The following MTUS2 variants were observed in gnomAD, a reference collection of about 807,000 sequenced individuals.
MTUS2 encodes the protein microtubule associated scaffold protein 2.
In MTUS2, 40 loss-of-function variants were observed where a neutral mutation model predicts 114.1. The ratio of observed to expected loss-of-function variants is 0.35; its 90% CI spans 0.27 to 0.46. The LOEUF is 0.46. Ranked by LOEUF, MTUS2 falls within the 20% of genes least tolerant of loss-of-function variation. The pLI is 1.00. For synonymous variants in MTUS2, 688 were observed against 672.0 expected, an observed-to-expected ratio of 1.02 and a Z score of -0.37; for missense variants, 1,679 against 1,705.4, an observed-to-expected ratio of 0.98 and a Z score of 0.27.
intron 5 of MTUS2, among the ~76,000 whole-genome samples, chr13:29,147,222 C>T (rs1892474258): frequency 6.6e-6 from 1 of 152,166 alleles, no homozygotes; most frequent in East Asian, 1.9e-4. Context: ...TTGTTGGAAC[C>T]TCCCAACACC....
At chr13:28,910,871 T>A (rs1346166087) in intron 2 of MTUS2, among the ~76,000 whole-genome samples, 1 of 105,112 alleles carries the variant, frequency 9.5e-6, no homozygotes, top group Non-Finnish European at 1.9e-5. Context: ...TTTTTTTTTT[T>A]TTTTTTTTTT....
At chr13:29,084,326 G>A (rs1008757053) in intron 4 of MTUS2, among the ~76,000 whole-genome samples, 3 of 151,238 alleles carry the variant, frequency 2.0e-5, no homozygotes, top group African/African-American at 4.9e-5. Flanking sequence ...ATATCTGGTT[G>A]CTTTCTCCAT....
At chr13:29,070,880 T>C (rs778132523) in intron 4 of MTUS2, among the ~76,000 whole-genome samples, 1 of 152,224 alleles carries the variant, frequency 6.6e-6, no homozygotes, top group Non-Finnish European at 1.5e-5. Flanking sequence ...CCTTCTGCAT[T>C]TTAGACAATC....
intron 8 of MTUS2, among the ~76,000 whole-genome samples, chr13:29,365,451 TTGCCC>T: frequency 6.6e-6 from 1 of 151,816 alleles, no homozygotes; most frequent in Non-Finnish European, 1.5e-5. Flanking sequence ...TGAAAACTAA[TTGCCC>T]CATTCAGCTC....
intron 9 of MTUS2, among the ~76,000 whole-genome samples, chr13:29,458,235 A>T (rs1168336059): frequency 6.6e-6 from 1 of 151,988 alleles, no homozygotes; most frequent in Non-Finnish European, 1.5e-5. Context: ...TGTGTTTCTG[A>T]CCTGTCTTCT....
At chr13:28,899,238 C>T (rs1412013478) in intron 2 of MTUS2, among the ~76,000 whole-genome samples, 1 of 152,176 alleles carries the variant, frequency 6.6e-6, no homozygotes, top group Non-Finnish European at 1.5e-5. Flanking sequence ...CTGAAACTGC[C>T]TCCTTACATA....
In MTUS2 at chr13:29,505,738, G is replaced by C. The variant is rs9805211; in HGVS notation, c.*2532G>C. The C allele has an allele frequency of 0.13, 29,877 of 228,940 alleles. 2,316 individuals carry two copies. Among genetic ancestry groups the C allele is most frequent in the African/African-American group, 0.21 (9,406 of 45,074 alleles). 14.2% of individuals were successfully genotyped at this position (228,940 alleles called of 1,614,324 possible). ...TCTCTTCGTGGCATTTGGGAGATGC[G>C]TGGGCGGCCTGCCCCCCGACCGCCG... On this transcript the variant is annotated 3_prime_UTR_variant, in exon 16 of 16. Transcript: ENST00000612955.
intron 2 of MTUS2, among the ~76,000 whole-genome samples, chr13:28,950,732 T>C (rs1882767868): frequency 6.6e-6 from 1 of 152,134 alleles, no homozygotes; most frequent in Non-Finnish European, 1.5e-5. Context: ...CAAAACAGTA[T>C]AATAGTAACA....
intron 5 of MTUS2, among the ~76,000 whole-genome samples, chr13:29,183,240 T>C (rs550338520): frequency 6.8e-6 from 1 of 147,832 alleles, no homozygotes; most frequent in East Asian, 2.1e-4. Flanking sequence ...GTCCTGATGA[T>C]TGGATGTTGG....
rs542237162 is a variant in MTUS2, at chr13:29,270,344, A to G, written c.2645-11360A>G. 1.4e-4 allele frequency among the ~76,000 whole-genome samples: 22 copies of G among 152,254 alleles called. No individual in the cohort carries two copies. The South Asian group carries it at 4.6e-3, about 32-fold the overall frequency. ...CCCCCTCAGGAGGAGTCTGGCCCCA[A>G]AGGGAGGTCTCAGACGCGGTGGACA... On this transcript the variant is annotated intron_variant, in intron 5 of 15. Coordinates refer to ENST00000612955, the MANE Select transcript of MTUS2 (RefSeq NM_001033602.4).
At chr13:29,068,259 A>G (rs769812481) in intron 4 of MTUS2, among the ~76,000 whole-genome samples, 2 of 152,222 alleles carry the variant, frequency 1.3e-5, no homozygotes, top group African/African-American at 2.4e-5. Flanking sequence ...GACATTGGCA[A>G]TGCCTGTATT....
intron 8 of MTUS2, among the ~76,000 whole-genome samples, chr13:29,407,947 A>G (rs534174488): frequency 2.0e-5 from 3 of 152,250 alleles, no homozygotes; most frequent in Non-Finnish European, 4.4e-5. Context: ...TTTAAGAATT[A>G]TGTTTTTGTA....
intron 5 of MTUS2, among the ~76,000 whole-genome samples, chr13:29,166,685 A>G (rs1893329330): frequency 6.6e-6 from 1 of 152,210 alleles, no homozygotes; most frequent in African/African-American, 2.4e-5. Flanking sequence ...AGACTTTCAA[A>G]ATCAACACAA....
chr13:29,244,140 A>G (rs1273485258), intron 5 of MTUS2, among the ~76,000 whole-genome samples: 1 of 152,124 alleles, frequency 6.6e-6, no homozygotes, highest in African/African-American at 2.4e-5. Flanking sequence ...GAGAAAGGAG[A>G]TAAAACTTTG....
intron 6 of MTUS2, among the ~76,000 whole-genome samples, chr13:29,312,563 G>A (rs1357709456): frequency 6.6e-6 from 1 of 152,108 alleles, no homozygotes; most frequent in Non-Finnish European, 1.5e-5. Context: ...TGAATTAATG[G>A]TGAAAATAAA....
chr13:29,017,781 G>T (rs1186917313), intron 2 of MTUS2, among the ~76,000 whole-genome samples: 1 of 151,932 alleles, frequency 6.6e-6, no homozygotes, highest in Admixed American at 6.5e-5. Context: ...CTCATCTGGA[G>T]TGCCTACTAT....
intron 7 of MTUS2, among the ~76,000 whole-genome samples, chr13:29,353,272 C>A (rs757038827): frequency 2.0e-5 from 3 of 152,144 alleles, no homozygotes; most frequent in Non-Finnish European, 2.9e-5. Flanking sequence ...CTGGCTCAAC[C>A]GATCCTCCCA....
intron 8 of MTUS2, among the ~76,000 whole-genome samples, chr13:29,372,397 A>G (rs1205468778): frequency 1.3e-5 from 2 of 152,106 alleles, no homozygotes; most frequent in Non-Finnish European, 2.9e-5. Context: ...TGACACCATG[A>G]GTGAAAGGGC....
chr13:29,322,884 C>T (rs1900312208), intron 6 of MTUS2, among the ~76,000 whole-genome samples: 1 of 152,142 alleles, frequency 6.6e-6, no homozygotes, highest in African/African-American at 2.4e-5. Context: ...TAGGGCTACA[C>T]TATCTGATAT....
Sources: allele counts gnomAD v4.1 joint callset (sites outside exome capture counted in the v4.1 genomes callset), GRCh38; gene constraint gnomAD v4.1.1; transcripts MANE v1.5; gene names NCBI Gene and HGNC (gene_info 2026-07-23, HGNC 2026-07-21).